Variants in ALMS1 observed in about 807,000 individuals in gnomAD.
ALMS1 encodes ALMS1 centrosome and basal body associated protein, also known as centrosome-associated protein ALMS1.
Under a neutral mutation model 352.2 loss-of-function variants are expected in ALMS1, and 271 were observed. That is an observed-to-expected ratio of 0.77 (90% CI 0.70 to 0.85). The LOEUF is 0.85. ALMS1 is among the 40% of genes least tolerant of loss of function. The pLI is 0.00. For synonymous variants in ALMS1, 1,865 were observed against 1,761.2 expected (o/e 1.06, Z -1.48); for missense variants, 5,445 against 4,870.7 (o/e 1.12, Z -3.51).
intron 16 of ALMS1, among the ~76,000 whole-genome samples, chr2:73,578,281 G>T (rs967222258): frequency 6.6e-6 from 1 of 152,086 alleles, no homozygotes; most frequent in African/African-American, 2.4e-5. Context: ...TGGATGTAAA[G>T]TAAGTCTCTT....
At chr2:73,472,582 G>C (rs1002908836) in intron 9 of ALMS1, among the ~76,000 whole-genome samples, 1 of 151,938 alleles carries the variant, frequency 6.6e-6, no homozygotes, top group East Asian at 1.9e-4. Flanking sequence ...ATTAGTTTTC[G>C]TAGAACTCTG....
intron 12 of ALMS1, among the ~76,000 whole-genome samples, chr2:73,539,430 CAG>C (rs1422963242): frequency 2.6e-5 from 4 of 151,856 alleles, no homozygotes; most frequent in Admixed American, 1.3e-4. Context: ...GGGGAAAAAA[CAG>C]AGCAGAAAAA....
Position 73,452,954 on chromosome 2 carries a change from T to C in ALMS1, c.6427T>C (p.Ser2143Pro). The C allele has an allele frequency of 6.2e-7, 1 of 1,613,024 alleles. No individual in the cohort carries two copies. The highest frequency in any genetic ancestry group is 2.2e-5 in the East Asian group (1 of 44,856). ...VLPTALPSSF[S>P]HREKPDIFYQ... ...ACCAACAGCTCTTCCTAGTTCCTTTTCACATCGAGAGAAACCAGATATTTT... is the reference window on the plus strand; with the variant it reads ...ACCAACAGCTCTTCCTAGTTCCTTTCCACATCGAGAGAAACCAGATATTTT... Residue 2143 changes from serine to proline, a missense_variant, in exon 8 of 23, where the codon TCA becomes CCA. Transcript: ENST00000613296.
rs757088108 is a variant in ALMS1 at position 73,450,671 on chromosome 2, T to C, written c.4144T>C (p.Ser1382Pro). The C allele has an allele frequency of 1.1e-5, 18 of 1,613,092 alleles. No individual in the cohort carries two copies. Among genetic ancestry groups the C allele is most frequent in the Non-Finnish European group, 1.5e-5 (18 of 1,179,796 alleles). Residue 1382 changes from serine to proline, a missense_variant, in exon 8 of 23, where the codon TCA becomes CCA. Transcript: ENST00000613296. ...ACCAACTGTAACCTCTACTTCTTAC[T>C]CACAACATACAGAGAAGCCGAGTAT... ...GTPTVTSTSY[S>P]QHTEKPSIFY...
intron 10 of ALMS1, among the ~76,000 whole-genome samples, chr2:73,497,090 G>A (rs897852829): frequency 3.3e-5 from 5 of 152,028 alleles, no homozygotes; most frequent in African/African-American, 7.2e-5. Flanking sequence ...TAAATGGATC[G>A]TGTGATTGGG....
intron 9 of ALMS1, among the ~76,000 whole-genome samples, chr2:73,483,036 T>C (rs1470038974): frequency 2.0e-5 from 3 of 152,208 alleles, no homozygotes; most frequent in Non-Finnish European, 2.9e-5. Context: ...CCTGGATTCA[T>C]TAATTTTTTG....
intron 9 of ALMS1, among the ~76,000 whole-genome samples, chr2:73,485,894 C>G (rs189892528): frequency 3.9e-5 from 6 of 152,300 alleles, no homozygotes; most frequent in African/African-American, 1.4e-4. Context: ...TGACCCCTTG[C>G]GCTTCCCAAG....
Position 73,609,710 on chromosome 2 carries a change from T to C in ALMS1, c.*98T>C. On this transcript the variant is annotated 3_prime_UTR_variant, in exon 23 of 23. Transcript: ENST00000613296. Reference sequence around the variant, plus strand: ...GAGTCTGGTTGAATAAAGCTTATTCTTTGTCCATGTGTATTTTAGAAATAG... The same window carrying C: ...GAGTCTGGTTGAATAAAGCTTATTCCTTGTCCATGTGTATTTTAGAAATAG... 8.4e-7 allele frequency: 1 copy of C among 1,185,526 alleles called. No homozygotes were observed. The highest frequency in any genetic ancestry group is 1.3e-6 in the Non-Finnish European group (1 of 794,342). 73.4% of individuals were successfully genotyped at this position (1,185,526 alleles called of 1,614,324 possible).
At chr2:73,460,583 C>G (rs1194552997) in intron 9 of ALMS1, among the ~76,000 whole-genome samples, 1 of 152,150 alleles carries the variant, frequency 6.6e-6, no homozygotes, top group African/African-American at 2.4e-5. Context: ...GAGTGCCAGA[C>G]AGTGGGTGTA....
chr2:73,546,130 T>C (rs549144170), intron 12 of ALMS1, among the ~76,000 whole-genome samples: 1 of 152,318 alleles, frequency 6.6e-6, no homozygotes, highest in South Asian at 2.1e-4. Flanking sequence ...AAGGGTGATT[T>C]TGACCCTCTA....
Position 73,385,936 on chromosome 2 carries a change from A to AGGC in ALMS1, c.70_71insCGG (p.Glu23_Glu24insAla), listed in dbSNP as rs1442274468. Reference sequence around the variant, plus strand: ...GAGGAGGAGGAGGAGGAGGAGGAGGAGGAGGAAGAGGAGGAGGCTGCAGCG... The same window carrying AGGC: ...GAGGAGGAGGAGGAGGAGGAGGAGGAGGCGGAGGAAGAGGAGGAGGCTGCAGCG... On this transcript the variant is annotated inframe_insertion, in exon 1 of 23. Transcript: ENST00000613296. 8.8e-7 allele frequency: 1 copy of AGGC among 1,130,640 alleles called. No homozygotes were observed. The highest frequency in any genetic ancestry group is 1.3e-6 in the Non-Finnish European group (1 of 768,518). The allele number at this position is 1,130,640 out of a possible 1,614,324, so 70.0% of individuals were successfully genotyped here.
At chr2:73,508,370 T>C (rs1456548043) in intron 10 of ALMS1, among the ~76,000 whole-genome samples, 1 of 151,770 alleles carries the variant, frequency 6.6e-6, no homozygotes, top group Non-Finnish European at 1.5e-5. Context: ...GCCTGGCTAA[T>C]TTCTTTTTGT....
rs765766155 is a variant in ALMS1 at position 73,453,991 on chromosome 2, A to G, written c.7464A>G (p.Gln2488=). Residue 2488 remains glutamine (Q), a synonymous_variant, in exon 8 of 23, where the codon CAA becomes CAG. Transcript: ENST00000613296. ...SLAAHVKNLL[Q]CESSLNHAKE... is the part of the protein sequence containing the mutation. ...CTGCACATGTGAAAAACCTTCTGCA[A>G]TGTGAATCCTCACTGAATCATGCTA... is the stretch of plus-strand genomic sequence containing the variant. 3.2e-5 allele frequency: 52 copies of G among 1,613,850 alleles called. No individual in the cohort carries two copies. The Admixed American group carries it at 7.8e-4, about 24-fold the overall frequency.
intron 16 of ALMS1, among the ~76,000 whole-genome samples, chr2:73,595,192 A>G (rs2104175204): frequency 6.6e-6 from 1 of 152,320 alleles, no homozygotes; most frequent in Non-Finnish European, 1.5e-5. Context: ...AGAGGTATAC[A>G]ATAAAATTTC....
intron 9 of ALMS1, among the ~76,000 whole-genome samples, chr2:73,463,919 AC>A (rs1429159965): frequency 1.3e-5 from 2 of 152,164 alleles, no homozygotes; most frequent in Admixed American, 6.5e-5. Context: ...CTCTGAATAG[AC>A]CAATAACAGG....
chr2:73,547,189 T>C (rs1365275820), intron 12 of ALMS1, among the ~76,000 whole-genome samples: 1 of 152,152 alleles, frequency 6.6e-6, no homozygotes, highest in Non-Finnish European at 1.5e-5. Flanking sequence ...CTGGGCTAGG[T>C]TATGATGCTT....
In ALMS1 at chr2:73,491,074, T is replaced by C; in HGVS notation, c.9115T>C (p.Ser3039Pro). Residue 3039 changes from serine to proline, a missense_variant, in exon 10 of 23, where the codon TCA (serine) becomes CCA (proline). Transcript: ENST00000613296. ...TLAASASTPP[S>P]NRKALSCVHI... ...AGCAGCATCTGCATCTACTCCTCCTTCAAATAGAAAAGCACTTTCTTGTGT... is the reference window on the plus strand; with the variant it reads ...AGCAGCATCTGCATCTACTCCTCCTCCAAATAGAAAAGCACTTTCTTGTGT... 1 of 1,614,198 alleles carries C rather than the reference T, an allele frequency of 6.2e-7. No homozygotes were observed. Among genetic ancestry groups the C allele is most frequent in the Middle Eastern group, 1.6e-4 (1 of 6,062 alleles).
chr2:73,551,148 C>T (rs879769563), intron 13 of ALMS1, among the ~76,000 whole-genome samples: 5 of 152,122 alleles, frequency 3.3e-5, no homozygotes, highest in African/African-American at 7.2e-5. Context: ...CATGAACCAC[C>T]GCATCCAGCC....
intron 9 of ALMS1, among the ~76,000 whole-genome samples, chr2:73,461,792 GA>G (rs1672209177): frequency 6.6e-6 from 1 of 152,162 alleles, no homozygotes; most frequent in East Asian, 1.9e-4. Flanking sequence ...AAAGGCGCGA[GA>G]ACCATGTGAA....
Sources: gnomAD v4.1 joint callset for allele counts (sites outside exome capture counted in the v4.1 genomes callset) on GRCh38, gnomAD v4.1.1 for gene constraint, MANE v1.5 for transcripts, NCBI Gene and HGNC (gene_info 2026-07-23, HGNC 2026-07-21) for gene names.